The following VTA1 variants were observed in gnomAD, a reference collection of about 807,000 sequenced individuals.
The protein encoded by VTA1 is vacuolar protein sorting-associated protein VTA1 homolog.
In VTA1, 24 loss-of-function variants were observed where a neutral mutation model predicts 36.9. The ratio of observed to expected loss-of-function variants is 0.65; its 90% CI spans 0.47 to 0.91. VTA1 has a LOEUF of 0.91. Ranked by LOEUF, VTA1 falls within the 40% of genes least tolerant of loss-of-function variation. VTA1 has a pLI of 0.00. For synonymous variants in VTA1, 142 were observed against 130.2 expected (o/e 1.09, Z -0.62); for missense variants, 393 against 377.2 (o/e 1.04, Z -0.35).
chr6:142,190,456 G>T (rs1345873163), intron 5 of VTA1, among the ~76,000 whole-genome samples: 1 of 151,414 alleles, frequency 6.6e-6, no homozygotes, highest in East Asian at 1.9e-4. Context: ...AACTTAATAT[G>T]TACAGGAAAA....
chr6:142,191,444 G>A (rs963351360), intron 5 of VTA1, among the ~76,000 whole-genome samples: 15 of 152,078 alleles, frequency 9.9e-5, no homozygotes, highest in African/African-American at 2.9e-4. Flanking sequence ...TGATTATCAC[G>A]TTGATCTGTT....
At chr6:142,210,676 A>C (rs919948875) in intron 7 of VTA1, among the ~76,000 whole-genome samples, 1 of 152,218 alleles carries the variant, frequency 6.6e-6, no homozygotes. Flanking sequence ...GAGAAATACA[A>C]ATCAAAATCA....
intron 4 of VTA1, among the ~76,000 whole-genome samples, chr6:142,180,124 G>A (rs995292431): frequency 6.6e-6 from 1 of 152,226 alleles, no homozygotes; most frequent in Non-Finnish European, 1.5e-5. Flanking sequence ...TGAGCACACA[G>A]TGAGCATCCC....
chr6:142,164,921 A>G (rs543837021), intron 1 of VTA1, among the ~76,000 whole-genome samples: 1 of 152,334 alleles, frequency 6.6e-6, no homozygotes, highest in South Asian at 2.1e-4. Flanking sequence ...TATCCCTGTC[A>G]TCATGGAGTG....
Position 142,220,726 on chromosome 6 carries a change from A to AT in VTA1, c.*2089dup, listed in dbSNP as rs1776094335. ...CAATGTTTGTTAACTTTGTATTTGTATTTTTTCCTATAAAATCTTAAAATA... is the reference window on the plus strand; with the variant it reads ...CAATGTTTGTTAACTTTGTATTTGTATTTTTTTCCTATAAAATCTTAAAATA... On this transcript the variant is annotated 3_prime_UTR_variant, in exon 8 of 8. Coordinates refer to ENST00000367630, the MANE Select transcript of VTA1 (RefSeq NM_016485.5). The AT allele has an allele frequency of 6.6e-6, 1 of 152,030 alleles. No individual in the cohort carries two copies. Among genetic ancestry groups the AT allele is most frequent in the Non-Finnish European group, 1.5e-5 (1 of 67,990 alleles). 9.4% of individuals were successfully genotyped at this position (152,030 alleles called of 1,614,324 possible). A position where few individuals can be genotyped will look rare whatever the true frequency, so the allele number is the denominator to read the frequency against.
intron 4 of VTA1, among the ~76,000 whole-genome samples, chr6:142,179,669 G>T (rs1033782310): frequency 2.6e-5 from 4 of 152,086 alleles, no homozygotes; most frequent in Non-Finnish European, 5.9e-5. Flanking sequence ...AAGTTGATCT[G>T]GGAAGGGATA....
intron 1 of VTA1, among the ~76,000 whole-genome samples, chr6:142,151,625 T>G (rs894045254): frequency 1.3e-5 from 2 of 152,248 alleles, no homozygotes; most frequent in Non-Finnish European, 2.9e-5. Context: ...ATTAGTTTGG[T>G]GTTAGCAACT....
At chr6:142,202,057 T>C (rs1450487355) in intron 6 of VTA1, among the ~76,000 whole-genome samples, 1 of 151,964 alleles carries the variant, frequency 6.6e-6, no homozygotes, top group Non-Finnish European at 1.5e-5. Flanking sequence ...AAGATGTATA[T>C]GAATGATATA....
intron 1 of VTA1, among the ~76,000 whole-genome samples, chr6:142,160,370 T>C (rs1774777487): frequency 6.6e-6 from 1 of 152,078 alleles, no homozygotes; most frequent in Admixed American, 6.5e-5. Flanking sequence ...ATTGAACAGG[T>C]TTTGTTCATT....
At chr6:142,217,026 C>T (rs1175137813) in intron 7 of VTA1, among the ~76,000 whole-genome samples, 1 of 152,092 alleles carries the variant, frequency 6.6e-6, no homozygotes, top group African/African-American at 2.4e-5. Context: ...TTTTCAAGAT[C>T]AGAAATATGA....
chr6:142,149,664 CT>C (rs1321031274), intron 1 of VTA1, among the ~76,000 whole-genome samples: 4 of 152,152 alleles, frequency 2.6e-5, no homozygotes, highest in African/African-American at 7.2e-5. Context: ...TGATTTTTCA[CT>C]CTGAAGACCT....
chr6:142,165,754 T>C lies in VTA1; in HGVS notation c.113-474T>C, dbSNP rs79284881. Among the ~76,000 whole-genome samples, 414 of 152,292 alleles carry C rather than the reference T, an allele frequency of 2.7e-3. 16 individuals carry two copies. In the East Asian group the frequency reaches 0.051, roughly 19 times the overall value. ...TTTTATTAACTTTTTAAAGAGAAGGTATATTTATTCAAAGAGAGAGTATAT... is the reference window on the plus strand; with the variant it reads ...TTTTATTAACTTTTTAAAGAGAAGGCATATTTATTCAAAGAGAGAGTATAT... On this transcript the variant is annotated intron_variant, in intron 1 of 7. Coordinates refer to ENST00000367630, the MANE Select transcript of VTA1 (RefSeq NM_016485.5).
intron 5 of VTA1, among the ~76,000 whole-genome samples, chr6:142,192,658 CT>C (rs937884142): frequency 3.3e-5 from 5 of 151,550 alleles, no homozygotes; most frequent in African/African-American, 7.3e-5. Context: ...CCCACTCCCC[CT>C]ACCACACATA....
chr6:142,207,598 C>T (rs975908083), intron 7 of VTA1, among the ~76,000 whole-genome samples: 2 of 151,782 alleles, frequency 1.3e-5, no homozygotes, highest in African/African-American at 2.4e-5. Context: ...GGGCTTATGG[C>T]GCCACCTAGA....
chr6:142,209,933 A>G (rs1775870049), intron 7 of VTA1, among the ~76,000 whole-genome samples: 2 of 152,174 alleles, frequency 1.3e-5, no homozygotes, highest in African/African-American at 4.8e-5. Context: ...TTTATGTAGA[A>G]TGATAGAAGA....
At chr6:142,180,272 A>C (rs1775202724) in intron 4 of VTA1, among the ~76,000 whole-genome samples, 1 of 152,222 alleles carries the variant, frequency 6.6e-6, no homozygotes, top group Admixed American at 6.5e-5. Context: ...GGAAAGTGTT[A>C]TCATAATCAT....
At chr6:142,159,088 G>C (rs1283970018) in intron 1 of VTA1, among the ~76,000 whole-genome samples, 2 of 152,144 alleles carry the variant, frequency 1.3e-5, no homozygotes, top group Non-Finnish European at 2.9e-5. Context: ...GGTTGGGCAT[G>C]GTGGCTCATG....
intron 7 of VTA1, among the ~76,000 whole-genome samples, chr6:142,210,460 G>T (rs1165319238): frequency 6.6e-6 from 1 of 152,148 alleles, no homozygotes; most frequent in Non-Finnish European, 1.5e-5. Context: ...CTTCAGCATG[G>T]CGAAGGAAAA....
At chr6:142,212,653 C>T (rs139131651) in intron 7 of VTA1, among the ~76,000 whole-genome samples, 17 of 152,218 alleles carry the variant, frequency 1.1e-4, no homozygotes, top group Admixed American at 2.0e-4. Flanking sequence ...TAGAGGTTTA[C>T]GACTCATGGT....
Sources: allele counts gnomAD v4.1 joint callset (sites outside exome capture counted in the v4.1 genomes callset), GRCh38; gene constraint gnomAD v4.1.1; transcripts MANE v1.5; gene names NCBI Gene and HGNC (gene_info 2026-07-23, HGNC 2026-07-21).